The following PIAS2 variants were observed in gnomAD, a reference collection of about 807,000 sequenced individuals.
PIAS2 encodes E3 SUMO-protein ligase PIAS2.
In PIAS2, 19 loss-of-function variants were observed where a neutral mutation model predicts 69.7. That is an observed-to-expected ratio of 0.27 (90% confidence interval 0.19 to 0.40). The LOEUF is 0.40. PIAS2 is among the 10% of genes least tolerant of loss of function. The pLI is 1.00. For missense variants in PIAS2, 624 were observed against 757.0 expected (o/e 0.82, Z 2.06); for synonymous variants, 261 against 263.2 (o/e 0.99, Z 0.08).
chr18:46,815,104 A>G (rs1015158367), intron 13 of PIAS2, among the ~76,000 whole-genome samples: 5 of 152,200 alleles, frequency 3.3e-5, no homozygotes, highest in African/African-American at 1.2e-4. Flanking sequence ...CAGAATTTAA[A>G]ATTTAGATAT....
At chr18:46,845,880 G>A (rs1599665277) in intron 6 of PIAS2, among the ~76,000 whole-genome samples, 1 of 152,188 alleles carries the variant, frequency 6.6e-6, no homozygotes, top group African/African-American at 2.4e-5. Context: ...TCCAATGTCT[G>A]TAAAGTTACT....
chr18:46,842,682 TATA>T (rs1232745132), intron 8 of PIAS2, among the ~76,000 whole-genome samples: 1 of 152,148 alleles, frequency 6.6e-6, no homozygotes, highest in Admixed American at 6.6e-5. Context: ...CGAAGAAAAG[TATA>T]ATAACCTGAA....
intron 1 of PIAS2, chr18:46,900,954 A>AT (rs1174592667): frequency 2.7e-5 from 9 of 338,350 alleles, no homozygotes; most frequent in Non-Finnish European, 5.1e-5. Context: ...AGCCTGGGTG[A>AT]TAAGAACGAA....
chr18:46,851,299 C>G (rs567231636), intron 5 of PIAS2, among the ~76,000 whole-genome samples: 1 of 152,224 alleles, frequency 6.6e-6, no homozygotes, highest in South Asian at 2.1e-4. Flanking sequence ...ATCCTCTCTA[C>G]TCTTTGGGAT....
Position 46,836,596 on chromosome 18 carries a change from C to T in PIAS2, c.1042-79G>A, listed in dbSNP as rs540639616. ...AGGGAACATGGTCAGTTGTAAAAGT[C>T]GGAAGATGTCATACAAGAAGATGAT... is the stretch of plus-strand genomic sequence containing the variant. On this transcript the variant is annotated intron_variant, in intron 8 of 13. Transcript: ENST00000585916. 4.0e-5 allele frequency: 38 copies of T among 941,798 alleles called. No homozygotes were observed. In the South Asian group the frequency reaches 5.0e-4, roughly 12 times the overall value. The allele number at this position is 941,798 out of a possible 1,614,324, so 58.3% of individuals were successfully genotyped here.
upstream of PIAS2, among the ~76,000 whole-genome samples, chr18:46,918,995 G>GTA (rs376088999): frequency 0.32 from 46,760 of 147,182 alleles, 7,648 homozygotes; most frequent in Middle Eastern, 0.41. Context: ...GTGTGTGCGT[G>GTA]TATATATATA....
At chr18:46,856,874 T>G (rs1214746261) in intron 3 of PIAS2, among the ~76,000 whole-genome samples, 2 of 152,166 alleles carry the variant, frequency 1.3e-5, no homozygotes, top group East Asian at 3.9e-4. Flanking sequence ...CGAGCTCCAC[T>G]GGAAGGCAGT....
intron 1 of PIAS2, 180 bp from the exon 2 acceptor site, chr18:46,891,234 A>G (rs1158263931): frequency 1.4e-6 from 1 of 691,764 alleles, no homozygotes; most frequent in Admixed American, 2.1e-5. Flanking sequence ...TAAAAATTAC[A>G]TTCAAGTTAC....
At chr18:46,834,106 T>C (rs1396484137) in intron 9 of PIAS2, among the ~76,000 whole-genome samples, 1 of 152,116 alleles carries the variant, frequency 6.6e-6, no homozygotes, top group Non-Finnish European at 1.5e-5. Flanking sequence ...AGGTATTTAG[T>C]AAGTACTGTG....
chr18:46,841,279 G>A (rs2045346512), intron 8 of PIAS2, among the ~76,000 whole-genome samples: 1 of 152,128 alleles, frequency 6.6e-6, no homozygotes, highest in African/African-American at 2.4e-5. Flanking sequence ...ATCACTTTAC[G>A]AAAATACTGT....
In PIAS2 at chr18:46,811,009, G is replaced by GGAT. The variant is rs2040964325; in HGVS notation, c.*1421_*1423dup. ...GTCAAATGAAGCAAACTAAAAAACTGGATGAAAATGTTTCTCTAAGAGTAA... is the reference window on the plus strand; with the variant it reads ...GTCAAATGAAGCAAACTAAAAAACTGGATGATGAAAATGTTTCTCTAAGAGTAA... On this transcript the variant is annotated 3_prime_UTR_variant, in exon 14 of 14. Transcript: ENST00000585916. 1.3e-5 allele frequency: 2 copies of GGAT among 152,066 alleles called. No homozygotes were observed. Among genetic ancestry groups the GGAT allele is most frequent in the South Asian group, 4.1e-4 (2 of 4,828 alleles). The allele number at this position is 152,066 out of a possible 1,614,324, so 9.4% of individuals were successfully genotyped here.
At chr18:46,844,290 T>G (rs762030385) in intron 7 of PIAS2, among the ~76,000 whole-genome samples, 163 bp from the exon 8 acceptor site, 47 of 152,268 alleles carry the variant, frequency 3.1e-4, no homozygotes, top group Admixed American at 1.4e-3. Context: ...CATGCAAATT[T>G]CTTTGTTTAA....
At chr18:46,874,012 A>C (rs1379356805) in intron 2 of PIAS2, among the ~76,000 whole-genome samples, 43 of 152,214 alleles carry the variant, frequency 2.8e-4, no homozygotes, top group Admixed American at 2.7e-3. Context: ...CAAATGTCTC[A>C]TGAGGGAGGT....
At chr18:46,852,546 AAT>A in intron 5 of PIAS2, 1 of 152,298 alleles carries the variant, frequency 6.6e-6, no homozygotes, top group East Asian at 1.9e-4. Flanking sequence ...TAATACAAGT[AAT>A]CAGGGGTTAG....
Position 46,805,855 on chromosome 18 carries a change from C to G in PIAS2, c.*6578G>C, listed in dbSNP as rs2040661593. ...CCAGGAATGAGCCTCATGGATGCTTCATTTCTGAAATCCCATGCTTAACAT... is the reference window on the plus strand; with the variant it reads ...CCAGGAATGAGCCTCATGGATGCTTGATTTCTGAAATCCCATGCTTAACAT... On this transcript the variant is annotated 3_prime_UTR_variant, in exon 14 of 14. Coordinates refer to ENST00000585916, the MANE Select transcript of PIAS2 (RefSeq NM_004671.5). 6.6e-6 allele frequency: 1 copy of G among 152,194 alleles called. No homozygotes were observed. The highest frequency in any genetic ancestry group is 1.5e-5 in the Non-Finnish European group (1 of 68,034). The allele number at this position is 152,194 out of a possible 1,614,324, so 9.4% of individuals were successfully genotyped here. A position where few individuals can be genotyped will look rare whatever the true frequency, so the allele number is the denominator to read the frequency against.
intron 1 of PIAS2, among the ~76,000 whole-genome samples, chr18:46,906,781 G>GT (rs2056666223): frequency 1.4e-5 from 2 of 144,554 alleles, no homozygotes; most frequent in African/African-American, 5.0e-5. Flanking sequence ...TGTGGGGGGG[G>GT]GGGGAGGTGT....
At chr18:46,818,298 A>G (rs2041784787) in intron 12 of PIAS2, 6 of 1,389,716 alleles carry the variant, frequency 4.3e-6, no homozygotes, top group Non-Finnish European at 5.6e-6. Context: ...GGCACTAGCA[A>G]TAATAAGGCA....
intron 12 of PIAS2, among the ~76,000 whole-genome samples, chr18:46,820,394 A>G (rs1007965458): frequency 2.0e-5 from 3 of 152,164 alleles, no homozygotes; most frequent in South Asian, 2.1e-4. Flanking sequence ...GTGGTTTCAG[A>G]CATTTACTGG....
intron 9 of PIAS2, among the ~76,000 whole-genome samples, chr18:46,831,953 C>A (rs1161088188): frequency 3.3e-5 from 5 of 152,142 alleles, no homozygotes; most frequent in Admixed American, 1.3e-4. Flanking sequence ...ACTTGGTAAA[C>A]CAGCCTTCAT....
Sources: allele counts gnomAD v4.1 joint callset (sites outside exome capture counted in the v4.1 genomes callset), GRCh38; gene constraint gnomAD v4.1.1; transcripts MANE v1.5; gene names NCBI Gene and HGNC (gene_info 2026-07-23, HGNC 2026-07-21).